Variants in ASXL1 observed in about 807,000 individuals in gnomAD.
ASXL1 encodes the protein polycomb group protein ASXL1.
A neutral mutation model predicts 89.1 loss-of-function variants in ASXL1; 65 were observed. The ratio of observed to expected loss-of-function variants is 0.73; its 90% CI spans 0.60 to 0.90. The LOEUF is 0.90. ASXL1 is among the 40% of genes least tolerant of loss of function. The pLI is 0.00. For synonymous variants in ASXL1, 739 were observed against 746.9 expected (o/e 0.99, Z 0.17); for missense variants, 1,786 against 1,942.9 (o/e 0.92, Z 1.52).
chr20:32,376,172 G>C (rs773749823), intron 4 of ASXL1, among the ~76,000 whole-genome samples: 6 of 152,142 alleles, frequency 3.9e-5, no homozygotes, highest in Non-Finnish European at 7.3e-5. Flanking sequence ...GGTCGACCAA[G>C]GGCTAGTTTG....
At chr20:32,397,299 A>G (rs1159271395) in intron 4 of ASXL1, among the ~76,000 whole-genome samples, 1 of 97,762 alleles carries the variant, frequency 1.0e-5, no homozygotes, top group African/African-American at 4.1e-5. Flanking sequence ...ATGGGGTTTC[A>G]TCATGTTGGC....
chr20:32,371,015 T>C (rs964585058), intron 4 of ASXL1, among the ~76,000 whole-genome samples: 1 of 146,820 alleles, frequency 6.8e-6, no homozygotes, highest in African/African-American at 2.5e-5. Flanking sequence ...TGTGTGCTTA[T>C]AGTCTTAGCT....
In ASXL1 at chr20:32,435,778, A is replaced by G. The variant is rs1481389129; in HGVS notation, c.3066A>G (p.Ala1022=). Residue 1022 remains alanine, a synonymous_variant, in exon 13 of 13, where the codon GCA becomes GCG. Transcript: ENST00000375687. ...DSSEADTREA[A]VTKGSSVDKD... is the part of the protein sequence containing the mutation. ...GTGAGGCTGACACTAGAGAAGCTGC[A>G]GTGACAAAGGGATCTTCGGTGGACA... 6.2e-7 allele frequency: 1 copy of G among 1,614,080 alleles called. No homozygotes were observed. Among genetic ancestry groups the G allele is most frequent in the Non-Finnish European group, 8.5e-7 (1 of 1,180,048 alleles).
Position 32,436,676 on chromosome 20 carries a change from C to T in ASXL1, c.3964C>T (p.Pro1322Ser), listed in dbSNP as rs2011912541. 1.2e-6 allele frequency: 2 copies of T among 1,614,010 alleles called. No homozygotes were observed. The highest frequency in any genetic ancestry group is 8.5e-7 in the Non-Finnish European group (1 of 1,180,050). Residue 1322 changes from proline (P) to serine (S), a missense_variant, in exon 13 of 13, where the codon CCG becomes TCG. Physicochemically the swap from Pro to Ser is moderately conservative, Grantham distance 74. Around this residue, in one of 3 missense-constraint regions of ASXL1, gnomAD observed 1,418 missense variants for 1,427.8 expected, o/e 0.99. Coordinates refer to ENST00000375687, the MANE Select transcript of ASXL1 (RefSeq NM_015338.6). ...CCTTCAGCGCCCCAGGCCTGCGGAC[C>T]CGATGCCTCTTCCTGCTGAGATCCC... Reference protein sequence around the residue: ...ATLQRPRPADPMPLPAEIPPV... With the variant: ...ATLQRPRPADSMPLPAEIPPV...
In ASXL1 at chr20:32,434,450, A is replaced by T; in HGVS notation, c.1738A>T (p.Lys580Ter). The change falls in exon 13 of 13, where the codon AAA (lysine) becomes TAA (stop). Residue 580 changes from lysine to a stop codon, truncating the protein, a stop_gained. Coordinates refer to ENST00000375687, the MANE Select transcript of ASXL1 (RefSeq NM_015338.6). LOFTEE classifies it low-confidence loss of function (END_TRUNC). ...TTTGCAGATTCAACTTTCACGTATC[A>T]AACCACCCTGGGTGGTTAAAGGTCA... ...PPIRIQLSRI[K>*]PPWVVKGQPT... 1 of 1,614,070 alleles carries T rather than the reference A, an allele frequency of 6.2e-7. No individual in the cohort carries two copies.
At position 32,410,079 on chromosome 20, in the gene ASXL1, TTGTC is replaced by T. The variant is rs527957370; in HGVS notation, c.253-18046_253-18043del. On this transcript the variant is annotated intron_variant, in intron 4 of 12. Transcript: ENST00000375687. ...TTTTATCAGGAGACACGATACCTGT[TTGTC>T]TGATTTCTGATAACGATAACTTCAA... Among the ~76,000 whole-genome samples the T allele has an allele frequency of 1.8e-4, 27 of 152,284 alleles. 2 individuals are homozygous for T. The Middle Eastern group carries it at 0.01, about 58-fold the overall frequency.
chr20:32,422,240 T>C (rs2049270323), intron 4 of ASXL1, among the ~76,000 whole-genome samples: 1 of 150,916 alleles, frequency 6.6e-6, no homozygotes, highest in Non-Finnish European at 1.5e-5. Flanking sequence ...TTTGGGGGTG[T>C]TGGAAATGTT....
chr20:32,415,664 A>G (rs2049126269), intron 4 of ASXL1, among the ~76,000 whole-genome samples: 1 of 152,152 alleles, frequency 6.6e-6, no homozygotes, highest in African/African-American at 2.4e-5. Context: ...CTCTGCAGCC[A>G]TAAACTTCAA....
At position 32,414,436 on chromosome 20, in the gene ASXL1, C is replaced by T. The variant is rs2049102089; in HGVS notation, c.253-13692C>T. Among the ~76,000 whole-genome samples the T allele has an allele frequency of 4.0e-5, 6 of 151,478 alleles. No homozygotes were observed. The South Asian group carries it at 1.2e-3, about 31-fold the overall frequency. On this transcript the variant is annotated intron_variant, in intron 4 of 12. Transcript: ENST00000375687. ...TTTTTAAAAAAATATTCTGGCTGAG[C>T]TGTAGTACGTGTCTGTGGTCCCGAC... is the stretch of plus-strand genomic sequence containing the variant.
At chr20:32,372,945 C>CTTT (rs71187111) in intron 4 of ASXL1, among the ~76,000 whole-genome samples, 33 of 136,570 alleles carry the variant, frequency 2.4e-4, no homozygotes, top group Admixed American at 5.1e-4. Flanking sequence ...TTTTCTTTTT[C>CTTT]TTTTTTTTTT....
chr20:32,370,908 T>C (rs970067802), intron 4 of ASXL1, among the ~76,000 whole-genome samples: 6 of 147,026 alleles, frequency 4.1e-5, no homozygotes, highest in Non-Finnish European at 8.9e-5. Context: ...CCCAGCACTT[T>C]GGGAGGCTAA....
chr20:32,435,471 C>T lies in ASXL1; in HGVS notation c.2759C>T (p.Pro920Leu). 1 of 1,614,012 alleles carries T rather than the reference C, an allele frequency of 6.2e-7. No individual in the cohort carries two copies. Among genetic ancestry groups the T allele is most frequent in the Non-Finnish European group, 8.5e-7 (1 of 1,180,022 alleles). Residue 920 changes from proline to leucine, a missense_variant, in exon 13 of 13, where the codon CCA becomes CTA. By Grantham distance (98) the Pro-to-Leu change is moderately conservative. This residue lies in a region of ASXL1 where 1,418 missense variants were observed against 1,427.8 expected (regional missense o/e 0.99). Transcript: ENST00000375687. ...QPKPESREHI[P>L]SVEPQVGEEW... is the part of the protein sequence containing the mutation. ...AAACCAGAATCCAGAGAACACATAC[C>T]ATCTGTTGAGCCCCAGGTTGGAGAG...
chr20:32,432,696 G>T (rs1001076281), intron 10 of ASXL1, 184 bp from the exon 11 acceptor site: 9 of 666,886 alleles, frequency 1.3e-5, no homozygotes, highest in Non-Finnish European at 2.2e-5. Flanking sequence ...GAGTTGCTTG[G>T]TCTCACTTTA....
intron 10 of ASXL1, chr20:32,432,655 TTTTG>T (rs1224339403): frequency 3.9e-6 from 2 of 507,730 alleles, no homozygotes; most frequent in Admixed American, 6.5e-5. Flanking sequence ...TGAATGGTTC[TTTTG>T]TTTGTTGTTT....
chr20:32,376,236 T>TTTTTA (rs1213637255), intron 4 of ASXL1, among the ~76,000 whole-genome samples: 24 of 151,346 alleles, frequency 1.6e-4, no homozygotes, highest in African/African-American at 4.2e-4. Context: ...TTTTATTTTA[T>TTTTTA]TTTTATTTTA....
At chr20:32,359,271 G>A (rs1444569445) in intron 1 of ASXL1, 2 of 702,342 alleles carry the variant, frequency 2.8e-6, no homozygotes, top group South Asian at 3.0e-5. Flanking sequence ...GACTCCGGGG[G>A]TGGAAAAGCG....
At position 32,433,351 on chromosome 20, in the gene ASXL1, G is replaced by A. The variant is rs963466544; in HGVS notation, c.1153G>A (p.Gly385Ser). 1.1e-5 allele frequency: 17 copies of A among 1,614,054 alleles called. No individual in the cohort carries two copies. Among genetic ancestry groups the A allele is most frequent in the Non-Finnish European group, 1.4e-5 (17 of 1,180,028 alleles). ...VGQEEAEIKSGLCVPGESVRI... is the reference protein window; with the variant it reads ...VGQEEAEIKSSLCVPGESVRI... ...CCAGGAGGAGGCTGAAATCAAAAGT[G>A]GCTTGTGTGTCCCAGGAGAATCAGT... is the stretch of plus-strand genomic sequence containing the variant. The change falls in exon 12 of 13, where the codon GGC becomes AGC. Residue 385 changes from glycine to serine, a missense_variant. Gly to Ser is a moderately conservative substitution (Grantham distance 56). This residue lies in a region of ASXL1 where 1,418 missense variants were observed against 1,427.8 expected (regional missense o/e 0.99). Transcript: ENST00000375687.
At chr20:32,359,421 G>T in intron 1 of ASXL1, 1 of 702,248 alleles carries the variant, frequency 1.4e-6, no homozygotes, top group Non-Finnish European at 2.6e-6. Context: ...CGACACCTGG[G>T]AGGCGGTTAG....
At chr20:32,430,761 A>G (rs984843827) in intron 8 of ASXL1, 3 of 284,044 alleles carry the variant, frequency 1.1e-5, no homozygotes, top group African/African-American at 4.3e-5. Flanking sequence ...GCAGTGCTCA[A>G]TCTAAGGTCT....
Sources: allele counts gnomAD v4.1 joint callset (sites outside exome capture counted in the v4.1 genomes callset), GRCh38; gene constraint gnomAD v4.1.1; regional missense constraint gnomAD v4.1.1; transcripts MANE v1.5; gene names NCBI Gene and HGNC (gene_info 2026-07-23, HGNC 2026-07-21).